FRMD4B: variants seen among roughly 807,000 people sequenced by gnomAD.
The protein encoded by FRMD4B is FERM domain-containing protein 4B.
A neutral mutation model predicts 141.5 loss-of-function variants in FRMD4B; 74 were observed. That is an observed-to-expected ratio of 0.52 (90% CI 0.43 to 0.63). The LOEUF is 0.63. Among genes scored for constraint, FRMD4B ranks in the 30% least tolerant of loss-of-function variants. The pLI is 0.00. For missense variants in FRMD4B, 1,366 were observed against 1,253.4 expected (o/e 1.09, Z -1.36); for synonymous variants, 506 against 467.9 (o/e 1.08, Z -1.05).
At chr3:69,362,983 T>A (rs6549208) in intron 1 of FRMD4B, among the ~76,000 whole-genome samples, 5 of 116,056 alleles carry the variant, frequency 4.3e-5, no homozygotes, top group African/African-American at 1.1e-4. Context: ...ATCAGAATGC[T>A]TTTTACAGTA....
intron 1 of FRMD4B, among the ~76,000 whole-genome samples, chr3:69,338,257 T>C (rs965830805): frequency 2.6e-5 from 4 of 152,072 alleles, no homozygotes; most frequent in Non-Finnish European, 5.9e-5. Context: ...AATTGAACAA[T>C]GACAACTCAT....
At chr3:69,524,358 A>C (rs1218838271) in intron 1 of FRMD4B, among the ~76,000 whole-genome samples, 1 of 152,210 alleles carries the variant, frequency 6.6e-6, no homozygotes, top group African/African-American at 2.4e-5. Context: ...CCCAGTTGTT[A>C]AGTCACAGAG....
chr3:69,322,356 T>C (rs944799473), intron 1 of FRMD4B, among the ~76,000 whole-genome samples: 16 of 152,312 alleles, frequency 1.1e-4, no homozygotes, highest in African/African-American at 3.6e-4. Context: ...CTGACACAGA[T>C]GTCTCCAAAT....
At chr3:69,288,965 A>G (rs961007260) in intron 4 of FRMD4B, among the ~76,000 whole-genome samples, 2 of 152,392 alleles carry the variant, frequency 1.3e-5, no homozygotes, top group East Asian at 1.9e-4. Context: ...TGGTAAAATC[A>G]TTCGAAACAT....
In FRMD4B at chr3:69,171,896, A is replaced by C. The variant is rs2092591276; in HGVS notation, c.3070T>G (p.Trp1024Gly). 1 of 1,613,338 alleles carries C rather than the reference A, an allele frequency of 6.2e-7. No individual in the cohort carries two copies. Among genetic ancestry groups the C allele is most frequent in the East Asian group, 2.2e-5 (1 of 44,874 alleles). ...NLESSEQRLF[W>G]HEDSKPGTLV ...GTTCCAGGCTTTGAATCTTCATGCC[A>C]AAAGAGTCTCTGCTCACTACTCTCC... Residue 1024 changes from tryptophan (W) to glycine (G), a missense_variant, in exon 23 of 23, where the codon TGG becomes GGG. Trp to Gly is a radical substitution (Grantham distance 184). Coordinates refer to ENST00000398540, the MANE Select transcript of FRMD4B (RefSeq NM_015123.3).
At chr3:69,386,146 G>A (rs1575782125), upstream of FRMD4B, 18 of 662,454 alleles carry the variant, frequency 2.7e-5, no homozygotes, top group Middle Eastern at 4.4e-4. Flanking sequence ...GTCCTGGCCA[G>A]GCTCCGGCGG....
chr3:69,267,575 ATATG>A (rs1358895977), intron 5 of FRMD4B, among the ~76,000 whole-genome samples: 18 of 12,372 alleles, frequency 1.5e-3, no homozygotes, highest in Admixed American at 7.1e-3. Flanking sequence ...ACATATATAT[ATATG>A]TGTGTGTGTG....
rs1180710570 is a variant in FRMD4B, at chr3:69,477,786, T to C, written c.-128-45025A>G. ...ATAGTTTCAGAAGGAATGGTACCAGTTCCTCCTTGTACCTCTGTTAGAATT... is the reference window on the plus strand; with the variant it reads ...ATAGTTTCAGAAGGAATGGTACCAGCTCCTCCTTGTACCTCTGTTAGAATT... On this transcript the variant is annotated intron_variant, in intron 1 of 5. Transcript: ENST00000459638. Among the ~76,000 whole-genome samples the C allele has an allele frequency of 2.7e-5, 4 of 148,720 alleles. No homozygotes were observed. The East Asian group carries it at 5.9e-4, about 22-fold the overall frequency.
At chr3:69,505,236 G>A (rs1285918689) in intron 1 of FRMD4B, among the ~76,000 whole-genome samples, 14 of 151,988 alleles carry the variant, frequency 9.2e-5, no homozygotes, top group Non-Finnish European at 1.3e-4. Context: ...AAATAAGCTG[G>A]GCATGGTAGC....
chr3:69,409,479 C>A (rs1704716474), intron 2 of FRMD4B, among the ~76,000 whole-genome samples: 1 of 152,176 alleles, frequency 6.6e-6, no homozygotes, highest in African/African-American at 2.4e-5. Context: ...AGCTACTTCC[C>A]AGTCACCTCT....
At chr3:69,178,402 G>C (rs1437412441) in intron 21 of FRMD4B, among the ~76,000 whole-genome samples, 1 of 152,126 alleles carries the variant, frequency 6.6e-6, no homozygotes, top group Admixed American at 6.5e-5. Context: ...TGTGGGGCTG[G>C]GTGTGATGGC....
chr3:69,253,153 G>A (rs987978084), intron 5 of FRMD4B, among the ~76,000 whole-genome samples: 1 of 149,964 alleles, frequency 6.7e-6, no homozygotes, highest in Non-Finnish European at 1.5e-5. Context: ...TTTGGGGCTC[G>A]CAAGGGAAAT....
chr3:69,412,336 G>A (rs538290739), intron 2 of FRMD4B, among the ~76,000 whole-genome samples: 1 of 152,326 alleles, frequency 6.6e-6, no homozygotes, highest in East Asian at 1.9e-4. Context: ...AGGGTGCCTG[G>A]AAATCAACAG....
intron 1 of FRMD4B, among the ~76,000 whole-genome samples, chr3:69,363,515 G>A (rs926701219): frequency 4.6e-5 from 7 of 151,340 alleles, no homozygotes; most frequent in Admixed American, 6.6e-5. Context: ...TCAGCCTCCC[G>A]AGTAGCTGGG....
Position 69,196,980 on chromosome 3 carries a change from C to A in FRMD4B, c.1012G>T (p.Ala338Ser). 1 of 1,605,186 alleles carries A rather than the reference C, an allele frequency of 6.2e-7. No homozygotes were observed. The highest frequency in any genetic ancestry group is 8.5e-7 in the Non-Finnish European group (1 of 1,171,790). ...QSGLFVQTWYANSSLIKSIWV... is the reference protein window; with the variant it reads ...QSGLFVQTWYSNSSLIKSIWV... ...ATGGACTTGATGAGAGAAGAGTTAG[C>A]ATACCATGTTTGCACAAACAAGCCA... Residue 338 changes from alanine to serine, a missense_variant, in exon 13 of 23, where the codon GCT (alanine) becomes TCT (serine). Physicochemically the swap from Ala to Ser is moderately conservative, Grantham distance 99. Coordinates refer to ENST00000398540, the MANE Select transcript of FRMD4B (RefSeq NM_015123.3).
intron 1 of FRMD4B, among the ~76,000 whole-genome samples, chr3:69,341,684 A>G (rs1309228542): frequency 6.6e-6 from 1 of 152,190 alleles, no homozygotes; most frequent in East Asian, 1.9e-4. Context: ...CTGTAGTATT[A>G]AGAGGCAAGG....
chr3:69,270,281 C>A (rs534576055), intron 5 of FRMD4B, among the ~76,000 whole-genome samples: 1 of 152,350 alleles, frequency 6.6e-6, no homozygotes, highest in South Asian at 2.1e-4. Context: ...TCTATTCATT[C>A]AATTTCTTCT....
At chr3:69,231,286 C>T (rs9849228) in intron 7 of FRMD4B, among the ~76,000 whole-genome samples, 4,181 of 152,204 alleles carry the variant, frequency 0.027, 207 homozygotes, top group African/African-American at 0.095. Context: ...TGTATTGCTG[C>T]ATCCTTTTTT....
chr3:69,301,165 C>T (rs2107160701), intron 4 of FRMD4B, among the ~76,000 whole-genome samples: 1 of 152,276 alleles, frequency 6.6e-6, no homozygotes. Flanking sequence ...AAACAACTTA[C>T]CCTATTTTTC....
Sources: gnomAD v4.1 joint callset for allele counts (sites outside exome capture counted in the v4.1 genomes callset) on GRCh38, gnomAD v4.1.1 for gene constraint, MANE v1.5 for transcripts, NCBI Gene and HGNC (gene_info 2026-07-23, HGNC 2026-07-21) for gene names.